Variants in SEC61A2 observed in about 807,000 individuals in gnomAD.
The protein encoded by SEC61A2 is protein transport protein Sec61 subunit alpha isoform 2.
Under a neutral mutation model 59.9 loss-of-function variants are expected in SEC61A2, and 28 were observed. The ratio of observed to expected loss-of-function variants is 0.47; its 90% CI spans 0.35 to 0.64. The LOEUF is 0.64. SEC61A2 is among the 30% of genes least tolerant of loss of function. The pLI is 0.01. For synonymous variants in SEC61A2, 202 were observed against 214.4 expected, an observed-to-expected ratio of 0.94 and a Z score of 0.50; for missense variants, 340 against 585.9, an observed-to-expected ratio of 0.58 and a Z score of 4.33.
intron 3 of SEC61A2, among the ~76,000 whole-genome samples, chr10:12,140,270 A>T (rs1833988580): frequency 6.6e-6 from 1 of 152,182 alleles, no homozygotes. Flanking sequence ...GGGTACAGAA[A>T]CAACCACAGG....
At chr10:12,140,851 C>A (rs541555699) in intron 3 of SEC61A2, among the ~76,000 whole-genome samples, 1 of 151,940 alleles carries the variant, frequency 6.6e-6, no homozygotes, top group Non-Finnish European at 1.5e-5. Flanking sequence ...CCACCCATCT[C>A]GACCTCCCAA....
downstream of SEC61A2, chr10:12,169,927 C>T (rs1364524811): frequency 1.8e-5 from 10 of 550,270 alleles, no homozygotes; most frequent in Admixed American, 3.3e-5. This position sits in a 1 kb window ranked among gnomAD's most constrained non-coding sequence, Gnocchi z 4.8. Flanking sequence ...TTACCTAAAA[C>T]ACTTATACCC....
rs749472559 is a variant in SEC61A2, at chr10:12,153,694, T to C, written c.463-2084T>C. 1 of 1,597,728 alleles carries C rather than the reference T, an allele frequency of 6.3e-7. No homozygotes were observed. The highest frequency in any genetic ancestry group is 8.5e-7 in the Non-Finnish European group (1 of 1,173,656). On this transcript the variant is annotated intron_variant, in intron 6 of 11. Coordinates refer to ENST00000298428, the MANE Select transcript of SEC61A2 (RefSeq NM_018144.4). The surrounding 1 kb of genome is among the most constrained non-coding windows in gnomAD (Gnocchi z 5.2). ...TGTTAATATATAAAGAGGGGTGTCA[T>C]GTTTGATTGTAGGTGGGCAGTGACC...
downstream of SEC61A2, chr10:12,166,950 C>T (rs1834713735): frequency 4.0e-6 from 1 of 248,860 alleles, no homozygotes; most frequent in Non-Finnish European, 8.4e-6. Flanking sequence ...ATATTACTGC[C>T]CCAAACATGT....
chr10:12,137,131 C>T (rs1833907922), intron 3 of SEC61A2, among the ~76,000 whole-genome samples: 2 of 151,930 alleles, frequency 1.3e-5, no homozygotes, highest in African/African-American at 2.4e-5. Context: ...GTCTCCAGCT[C>T]CTAGGCTCAG....
rs911293925 is a variant in SEC61A2, at chr10:12,129,761, T to A, written c.-27T>A. The A allele has an allele frequency of 6.7e-7, 1 of 1,489,050 alleles. No individual in the cohort carries two copies. The allele number at this position is 1,489,050 out of a possible 1,614,324, so 92.2% of individuals were successfully genotyped here. On this transcript the variant is annotated 5_prime_UTR_variant, in exon 1 of 12. Coordinates refer to ENST00000298428, the MANE Select transcript of SEC61A2 (RefSeq NM_018144.4). The surrounding 1 kb of genome is among the most constrained non-coding windows in gnomAD (Gnocchi z 5.6). Reference sequence around the variant, plus strand: ...CGAAGGCAGCGCCGAGGCCGCGGTTTCCCCCTGGGCCTCCCCAGCAGCAGC... The same window carrying A: ...CGAAGGCAGCGCCGAGGCCGCGGTTACCCCCTGGGCCTCCCCAGCAGCAGC...
intron 6 of SEC61A2, among the ~76,000 whole-genome samples, chr10:12,151,052 G>T (rs1222965032): frequency 6.6e-6 from 1 of 151,500 alleles, no homozygotes; most frequent in Non-Finnish European, 1.5e-5. Flanking sequence ...TGGGATTACA[G>T]GCGTGAGCCA....
At chr10:12,169,343 G>A (rs376483075), downstream of SEC61A2, 199 of 1,528,460 alleles carry the variant, frequency 1.3e-4, no homozygotes, top group African/African-American at 2.4e-3. This position sits in a 1 kb window ranked among gnomAD's most constrained non-coding sequence, Gnocchi z 4.8. Context: ...AACCCCGCAC[G>A]GCATTTCACA....
downstream of SEC61A2, chr10:12,166,122 T>C (rs746427959): frequency 6.6e-6 from 1 of 152,270 alleles, no homozygotes; most frequent in Non-Finnish European, 1.5e-5. Flanking sequence ...CTCTGACTTC[T>C]AAGTTGCACT....
At chr10:12,137,739 G>T (rs1340028183) in intron 3 of SEC61A2, among the ~76,000 whole-genome samples, 1 of 152,224 alleles carries the variant, frequency 6.6e-6, no homozygotes, top group Non-Finnish European at 1.5e-5. Flanking sequence ...GGGCATGGTG[G>T]CTCATGCCTG....
At position 12,157,942 on chromosome 10, in the gene SEC61A2, G is replaced by A. The variant is rs1267436347; in HGVS notation, c.812G>A (p.Arg271His). 7 of 1,613,860 alleles carry A rather than the reference G, an allele frequency of 4.3e-6. No individual in the cohort carries two copies. Among genetic ancestry groups the A allele is most frequent in the East Asian group, 2.2e-5 (1 of 44,870 alleles). The change falls in exon 9 of 12, where the codon CGT becomes CAT. Residue 271 changes from arginine to histidine, a missense_variant. Transcript: ENST00000298428. ...FRVDLPIKSA[R>H]YRGQYSSYPI... The stretch of plus-strand genomic sequence containing the variant: ...GTTGATCTGCCCATTAAGTCGGCCC[G>A]TTACCGAGGACAGTACAGCAGCTAC...
chr10:12,150,562 A>T (rs1834247704), intron 6 of SEC61A2, among the ~76,000 whole-genome samples: 1 of 152,250 alleles, frequency 6.6e-6, no homozygotes, highest in South Asian at 2.1e-4. Flanking sequence ...GTAAGTAGAA[A>T]ATTAAAATTC....
intron 3 of SEC61A2, among the ~76,000 whole-genome samples, chr10:12,138,564 C>T (rs1833939929): frequency 6.6e-6 from 1 of 152,238 alleles, no homozygotes; most frequent in Admixed American, 6.5e-5. Flanking sequence ...TACCACTCAT[C>T]TGCATCCTGT....
At position 12,155,164 on chromosome 10, in the gene SEC61A2, T is replaced by G; in HGVS notation, c.463-614T>G. 2.3e-6 allele frequency: 1 copy of G among 432,900 alleles called. No homozygotes were observed. The highest frequency in any genetic ancestry group is 3.8e-6 in the Non-Finnish European group (1 of 264,892). 26.8% of individuals were successfully genotyped at this position (432,900 alleles called of 1,614,324 possible). A position where few individuals can be genotyped will look rare whatever the true frequency, so the allele number is the denominator to read the frequency against. On this transcript the variant is annotated intron_variant, in intron 6 of 11. Transcript: ENST00000298428. This position sits in a 1 kb window ranked among gnomAD's most constrained non-coding sequence, Gnocchi z 4.3. ...ACCTTAACCGTCTTCAAATTTACAT[T>G]CAATCTTTGTCACTATGTGTATAGA...
chr10:12,159,898 T>A (rs1021714557), intron 9 of SEC61A2, among the ~76,000 whole-genome samples: 1 of 151,956 alleles, frequency 6.6e-6, no homozygotes, highest in Non-Finnish European at 1.5e-5. Context: ...GAATGTCATT[T>A]AAAAAAAAGG....
chr10:12,156,496 C>T lies in SEC61A2; in HGVS notation c.617-411C>T, dbSNP rs184278432. 1.3e-3 allele frequency among the ~76,000 whole-genome samples: 193 copies of T among 152,324 alleles called. No homozygotes were observed. Among genetic ancestry groups the T allele is most frequent in the African/African-American group, 4.4e-3 (182 of 41,588 alleles). ...GTAATGATGATTAATGTTCTTGGTG[C>T]GGTAAACTTCGAGGCAGGCTCGATA... On this transcript the variant is annotated intron_variant, in intron 7 of 11. Transcript: ENST00000298428. This position sits in a 1 kb window ranked among gnomAD's most constrained non-coding sequence, Gnocchi z 5.2.
At chr10:12,147,142 C>T (rs1834158653) in intron 4 of SEC61A2, among the ~76,000 whole-genome samples, 2 of 152,194 alleles carry the variant, frequency 1.3e-5, no homozygotes, top group African/African-American at 4.8e-5. Flanking sequence ...CTGCCTGCCT[C>T]AGCTTCCTAA....
At chr10:12,165,556 A>T (rs1182145278), downstream of SEC61A2, 2 of 168,734 alleles carry the variant, frequency 1.2e-5, no homozygotes, top group Admixed American at 1.3e-4. Flanking sequence ...GGGTAATCAT[A>T]TATGTGACTA....
rs1022918483 is a variant in SEC61A2, at chr10:12,155,208, G to A, written c.463-570G>A. On this transcript the variant is annotated intron_variant, in intron 6 of 11. Coordinates refer to ENST00000298428, the MANE Select transcript of SEC61A2 (RefSeq NM_018144.4). This position sits in a 1 kb window ranked among gnomAD's most constrained non-coding sequence, Gnocchi z 4.3. The stretch of plus-strand genomic sequence containing the variant: ...GTATAGAATGCATTTTTACATTGCT[G>A]CTCGAGTACGTATTTGAGTACATAT... The A allele has an allele frequency of 1.7e-5, 12 of 716,080 alleles. No homozygotes were observed. The highest frequency in any genetic ancestry group is 7.8e-5 in the Admixed American group (2 of 25,776). 44.4% of individuals were successfully genotyped at this position (716,080 alleles called of 1,614,324 possible). A position where few individuals can be genotyped will look rare whatever the true frequency, so the allele number is the denominator to read the frequency against.
Sources: allele counts gnomAD v4.1 joint callset (sites outside exome capture counted in the v4.1 genomes callset), GRCh38; gene constraint gnomAD v4.1.1; non-coding constraint Gnocchi (gnomAD v3.1); transcripts MANE v1.5; gene names NCBI Gene and HGNC (gene_info 2026-07-23, HGNC 2026-07-21).